The following SLC35F5 variants were observed in gnomAD, a reference collection of about 807,000 sequenced individuals.
SLC35F5 encodes solute carrier family 35 member F5.
In SLC35F5, 54 loss-of-function variants were observed where a neutral mutation model predicts 68.6. The observed-to-expected ratio is 0.79, with a 90% CI of 0.63 to 0.99. The LOEUF is 0.99. Among genes scored for constraint, SLC35F5 ranks in the 50% least tolerant of loss-of-function variants. The pLI, the probability that SLC35F5 is intolerant of heterozygous loss-of-function variation, is 0.00. For missense variants in SLC35F5, 567 were observed against 626.9 expected, an observed-to-expected ratio of 0.90 and a Z score of 1.02; for synonymous variants, 211 against 205.2, an observed-to-expected ratio of 1.03 and a Z score of -0.24.
Position 113,718,186 on chromosome 2 carries a change from T to C in SLC35F5, c.1497-336A>G, listed in dbSNP as rs564787465. Among the ~76,000 whole-genome samples the C allele has an allele frequency of 7.2e-5, 11 of 152,250 alleles. No individual in the cohort carries two copies. The South Asian group carries it at 1.0e-3, about 14-fold the overall frequency. ...GCAGCTTTGAATTCCTGGGCTCAAG[T>C]GATCCTCCTACCTCAGCCTCCCAAG... On this transcript the variant is annotated intron_variant, in intron 14 of 15. Coordinates refer to ENST00000245680, the MANE Select transcript of SLC35F5 (RefSeq NM_025181.5).
chr2:113,743,407 G>A (rs771190940), intron 6 of SLC35F5, among the ~76,000 whole-genome samples: 24 of 152,116 alleles, frequency 1.6e-4, no homozygotes, highest in Non-Finnish European at 2.9e-4. Flanking sequence ...CTCTTTGAGG[G>A]CATATTTAAG....
At chr2:113,754,383 A>T (rs879716082) in intron 3 of SLC35F5, among the ~76,000 whole-genome samples, 1 of 152,112 alleles carries the variant, frequency 6.6e-6, no homozygotes. Flanking sequence ...ATGAGACCTG[A>T]GTATTAAACT....
rs1686869026 is a variant in SLC35F5, at chr2:113,708,588, C to A, written c.*6630G>T. Among the ~76,000 whole-genome samples the A allele has an allele frequency of 6.6e-6, 1 of 152,208 alleles. No individual in the cohort carries two copies. Among genetic ancestry groups the A allele is most frequent in the Admixed American group, 6.5e-5 (1 of 15,292 alleles). ...GGGCGTGGTGGTGCATGTCTGTAAT[C>A]CCAGCTATTCGGGAGGCTGAGGCAG... On this transcript the variant is annotated 3_prime_UTR_variant, in exon 16 of 16. Transcript: ENST00000245680.
intron 5 of SLC35F5, 24 bp from the exon 6 acceptor site, chr2:113,743,818 T>A (rs757574827): frequency 1.3e-6 from 2 of 1,552,488 alleles, no homozygotes; most frequent in South Asian, 1.2e-5. Flanking sequence ...GAAAAAAATA[T>A]AAACAACAAA....
chr2:113,703,160 C>G (rs920930563), downstream of SLC35F5, among the ~76,000 whole-genome samples: 1 of 150,160 alleles, frequency 6.7e-6, no homozygotes, highest in Non-Finnish European at 1.5e-5. Context: ...TAATGAATCT[C>G]TTTCTCTCTC....
chr2:113,719,085 C>T, intron 14 of SLC35F5, 69 bp downstream of exon 14: 1 of 1,410,586 alleles, frequency 7.1e-7, no homozygotes, highest in African/African-American at 1.5e-5. Flanking sequence ...AAAGCTAGGC[C>T]AGCATGATGC....
intron 6 of SLC35F5, among the ~76,000 whole-genome samples, chr2:113,743,452 CATGTGTGT>C (rs2104464778): frequency 6.6e-6 from 1 of 152,136 alleles, no homozygotes; most frequent in Admixed American, 6.6e-5. Context: ...GCGTGTGATG[CATGTGTGT>C]ATGTGTGTAT....
chr2:113,720,941 C>T (rs1265650927), intron 13 of SLC35F5, among the ~76,000 whole-genome samples: 2 of 151,942 alleles, frequency 1.3e-5, no homozygotes, highest in East Asian at 1.9e-4. Flanking sequence ...ACAAAAGAAA[C>T]GAAGCCATTT....
At chr2:113,718,056 GT>G (rs1364777560) in intron 14 of SLC35F5, among the ~76,000 whole-genome samples, 2 of 151,800 alleles carry the variant, frequency 1.3e-5, no homozygotes, top group African/African-American at 4.8e-5. Context: ...CTCACTTTTT[GT>G]TTTTTAAATA....
chr2:113,742,800 C>T lies in SLC35F5; in HGVS notation c.642G>A (p.Lys214=), dbSNP rs1385650147. ...QLPSSHALEA[K]LSRMSYPVKE... Reference sequence around the variant, plus strand: ...TCACAGGATATGACATGCGAGACAACTTTGCTTCCAATGCATGACTTGACG... The same window carrying T: ...TCACAGGATATGACATGCGAGACAATTTTGCTTCCAATGCATGACTTGACG... Residue 214 remains lysine, a synonymous_variant, in exon 7 of 16, where the codon AAG becomes AAA. Transcript: ENST00000245680. The T allele has an allele frequency of 6.2e-7, 1 of 1,613,998 alleles. No individual in the cohort carries two copies. The highest frequency in any genetic ancestry group is 8.5e-7 in the Non-Finnish European group (1 of 1,180,000).
rs1686865217 is a variant in SLC35F5 at position 113,708,451 on chromosome 2, T to C, written c.*6767A>G. Among the ~76,000 whole-genome samples the C allele has an allele frequency of 6.6e-6, 1 of 152,148 alleles. No homozygotes were observed. Among genetic ancestry groups the C allele is most frequent in the South Asian group, 2.1e-4 (1 of 4,830 alleles). ...TGGGCGCAGTGGCTCACACCCGTAA[T>C]CCCAGCACTTTGGGAGGCCGAGGCG... On this transcript the variant is annotated 3_prime_UTR_variant, in exon 16 of 16. Coordinates refer to ENST00000245680, the MANE Select transcript of SLC35F5 (RefSeq NM_025181.5).
At chr2:113,743,930 C>G (rs543106055) in intron 5 of SLC35F5, 136 bp from the exon 6 acceptor site, 1 of 564,166 alleles carries the variant, frequency 1.8e-6, no homozygotes, top group East Asian at 2.9e-5. Flanking sequence ...CAGCAATTTT[C>G]AAGACTTAAA....
chr2:113,704,824 G>T (rs563394383), downstream of SLC35F5, among the ~76,000 whole-genome samples: 2 of 152,248 alleles, frequency 1.3e-5, no homozygotes, highest in East Asian at 3.9e-4. Flanking sequence ...AGCCGCCTCC[G>T]GCCTCGGCCA....
chr2:113,704,805 A>G (rs1574190123), downstream of SLC35F5, among the ~76,000 whole-genome samples: 1 of 152,018 alleles, frequency 6.6e-6, no homozygotes, highest in East Asian at 1.9e-4. Context: ...CCTCCCCGCA[A>G]GCTGGGGGAG....
chr2:113,718,738 T>C lies in SLC35F5; in HGVS notation c.1496+416A>G, dbSNP rs555617329. Among the ~76,000 whole-genome samples the C allele has an allele frequency of 2.6e-5, 4 of 151,570 alleles. No individual in the cohort carries two copies. The South Asian group carries it at 6.2e-4, about 24-fold the overall frequency. On this transcript the variant is annotated intron_variant, in intron 14 of 15. Transcript: ENST00000245680. ...TGAACCCAGGAGGCAGAGGTTGCAGTGAGCTGAGATCGTGCCATTGCACTC... is the reference window on the plus strand; with the variant it reads ...TGAACCCAGGAGGCAGAGGTTGCAGCGAGCTGAGATCGTGCCATTGCACTC...
intron 5 of SLC35F5, among the ~76,000 whole-genome samples, chr2:113,744,933 A>T (rs1676428042): frequency 6.6e-6 from 1 of 152,156 alleles, no homozygotes; most frequent in Non-Finnish European, 1.5e-5. Context: ...TATTTAAGGT[A>T]CAAATCTCCA....
Position 113,711,257 on chromosome 2 carries a change from A to G in SLC35F5, c.*3961T>C, listed in dbSNP as rs1686972645. Reference sequence around the variant, plus strand: ...GTAAATATGCACATAGAGGGTACTCATTACTTTTGGTTGGTAATTTTTCCT... The same window carrying G: ...GTAAATATGCACATAGAGGGTACTCGTTACTTTTGGTTGGTAATTTTTCCT... On this transcript the variant is annotated 3_prime_UTR_variant, in exon 16 of 16. Transcript: ENST00000245680. Among the ~76,000 whole-genome samples the G allele has an allele frequency of 6.6e-6, 1 of 152,170 alleles. No homozygotes were observed. Among genetic ancestry groups the G allele is most frequent in the African/African-American group, 2.4e-5 (1 of 41,444 alleles).
Position 113,708,213 on chromosome 2 carries a change from A to G in SLC35F5, c.*7005T>C, listed in dbSNP as rs1574193619. Among the ~76,000 whole-genome samples, 2 of 152,206 alleles carry G rather than the reference A, an allele frequency of 1.3e-5. No individual in the cohort carries two copies. Among genetic ancestry groups the G allele is most frequent in the African/African-American group, 4.8e-5 (2 of 41,450 alleles). On this transcript the variant is annotated 3_prime_UTR_variant, in exon 16 of 16. Coordinates refer to ENST00000245680, the MANE Select transcript of SLC35F5 (RefSeq NM_025181.5). ...CTAGCTACAGTTTTTATTGTATGCA[A>G]TCTTCCCAACATTGCAGTAAAGCAG...
At chr2:113,706,120 C>T (rs554885066), downstream of SLC35F5, among the ~76,000 whole-genome samples, 4 of 152,216 alleles carry the variant, frequency 2.6e-5, no homozygotes, top group Admixed American at 2.6e-4. Context: ...ATATGGTCCC[C>T]AGTGCAAATG....
Sources: gnomAD v4.1 joint callset for allele counts (sites outside exome capture counted in the v4.1 genomes callset) on GRCh38, gnomAD v4.1.1 for gene constraint, MANE v1.5 for transcripts, NCBI Gene and HGNC (gene_info 2026-07-23, HGNC 2026-07-21) for gene names.